Variants in PDK1 observed in about 807,000 individuals in gnomAD.
PDK1 encodes [Pyruvate dehydrogenase (acetyl-transferring)] kinase isozyme 1, mitochondrial.
PDK1 carries 39 observed loss-of-function variants against 54.2 expected under a neutral mutation model. That is an observed-to-expected ratio of 0.72 (90% CI 0.56 to 0.94). The LOEUF is 0.94. Ranked by LOEUF, PDK1 falls within the 40% of genes least tolerant of loss-of-function variation. The pLI, the probability that PDK1 is intolerant of heterozygous loss-of-function variation, is 0.00. For missense variants in PDK1, 552 were observed against 566.0 expected (o/e 0.98, Z 0.25); for synonymous variants, 221 against 207.1 (o/e 1.07, Z -0.58).
chr2:172,705,541 T>A, the PDK1 span, among the ~76,000 whole-genome samples: 1 of 152,234 alleles, frequency 6.6e-6, no homozygotes, highest in Non-Finnish European at 1.5e-5. Flanking sequence ...TTCTGAAAGA[T>A]CTATTACTCA....
chr2:172,618,823 A>T, the PDK1 span, among the ~76,000 whole-genome samples: 3 of 152,176 alleles, frequency 2.0e-5, no homozygotes, highest in Admixed American at 2.0e-4. Flanking sequence ...TCCTTCTGGG[A>T]GTTCCAGAGT....
the PDK1 span, among the ~76,000 whole-genome samples, chr2:172,676,186 T>C: frequency 2.0e-5 from 3 of 152,278 alleles, no homozygotes; most frequent in South Asian, 6.2e-4. Flanking sequence ...ATTAACATGA[T>C]TTTCATGCCT....
chr2:172,593,910 A>AG (rs1690743846), intron 10 of PDK1, among the ~76,000 whole-genome samples: 1 of 152,098 alleles, frequency 6.6e-6, no homozygotes, highest in African/African-American at 2.4e-5. Flanking sequence ...TCTATTTTAT[A>AG]GGAAATGTTG....
chr2:172,622,053 TGA>T, the PDK1 span, among the ~76,000 whole-genome samples: 4 of 149,064 alleles, frequency 2.7e-5, no homozygotes, highest in African/African-American at 4.9e-5. Context: ...CTCATATATG[TGA>T]GATATGTTTA....
chr2:172,622,280 CTCAT>C, the PDK1 span, among the ~76,000 whole-genome samples: 1 of 127,216 alleles, frequency 7.9e-6, no homozygotes, highest in Non-Finnish European at 1.6e-5. Context: ...ATGTTTATAT[CTCAT>C]ATATTATGTG....
the PDK1 span, among the ~76,000 whole-genome samples, chr2:172,633,731 CTTTAT>C: frequency 1.3e-5 from 2 of 150,620 alleles, no homozygotes; most frequent in Non-Finnish European, 1.5e-5. Flanking sequence ...TATGTATTAG[CTTTAT>C]TTTATTTAAT....
intron 8 of PDK1, among the ~76,000 whole-genome samples, 195 bp from the exon 9 acceptor site, chr2:172,586,083 C>T (rs573475214): frequency 2.7e-4 from 40 of 149,984 alleles, no homozygotes; most frequent in Middle Eastern, 3.5e-3. Flanking sequence ...GGCATGAACC[C>T]GGGAAGCAGA....
the PDK1 span, among the ~76,000 whole-genome samples, chr2:172,633,490 T>C: frequency 1.3e-5 from 2 of 151,180 alleles, no homozygotes; most frequent in African/African-American, 4.8e-5. Flanking sequence ...AATTACTGTA[T>C]GCACTGCTGA....
chr2:172,697,655 G>C, the PDK1 span, among the ~76,000 whole-genome samples: 81 of 152,238 alleles, frequency 5.3e-4, no homozygotes, highest in Non-Finnish European at 1.0e-3. Flanking sequence ...CCAAGATTGA[G>C]AATCTTCTTA....
chr2:172,556,213 C>T lies in PDK1; in HGVS notation c.63C>T (p.Ala21=), dbSNP rs900775796. The part of the protein sequence containing the change: ...ALAGPGPGLR[A]AGFSRSFSSD... ...CCGGCCCGGGCCCGGGGCTGCGCGC[C>T]GCCGGCTTCAGCCGCAGCTTCAGCT... is the stretch of plus-strand genomic sequence containing the variant. Residue 21 remains alanine (A), a synonymous_variant, in exon 1 of 11, where the codon GCC becomes GCT. Transcript: ENST00000282077. 2.8e-6 allele frequency: 4 copies of T among 1,420,962 alleles called. No homozygotes were observed. The highest frequency in any genetic ancestry group is 1.5e-5 in the African/African-American group (1 of 66,120). 88.0% of individuals were successfully genotyped at this position (1,420,962 alleles called of 1,614,324 possible).
chr2:172,697,746 T>C, the PDK1 span, among the ~76,000 whole-genome samples: 1 of 152,194 alleles, frequency 6.6e-6, no homozygotes, highest in Non-Finnish European at 1.5e-5. Flanking sequence ...TGTGTAATCC[T>C]TGTCTCAGAA....
In PDK1 at chr2:172,570,797, G is replaced by T. The variant is rs768742755; in HGVS notation, c.918G>T (p.Thr306=). The change falls in exon 8 of 11, where the codon ACG becomes ACT. Residue 306 remains threonine, a synonymous_variant. Transcript: ENST00000282077. ...ACCCCCCTATTCAAGTTCATGTCACGCTGGGTAATGAGGATTTGACTGTGA... is the reference window on the plus strand; with the variant it reads ...ACCCCCCTATTCAAGTTCATGTCACTCTGGGTAATGAGGATTTGACTGTGA... ...GVYPPIQVHV[T]LGNEDLTVKM... is the part of the protein sequence containing the mutation. The T allele has an allele frequency of 1.2e-6, 2 of 1,607,824 alleles. No individual in the cohort carries two copies. Among genetic ancestry groups the T allele is most frequent in the South Asian group, 2.2e-5 (2 of 90,816 alleles).
chr2:172,640,096 G>A, the PDK1 span, among the ~76,000 whole-genome samples: 7 of 152,192 alleles, frequency 4.6e-5, no homozygotes, highest in South Asian at 2.1e-4. Flanking sequence ...CCATAAAGCC[G>A]AAGAAATATT....
the PDK1 span, among the ~76,000 whole-genome samples, chr2:172,630,518 T>C: frequency 6.6e-6 from 1 of 152,242 alleles, no homozygotes; most frequent in Non-Finnish European, 1.5e-5. Context: ...CAGAAAGCTC[T>C]ATCTTCTCCC....
intron 2 of PDK1, among the ~76,000 whole-genome samples, chr2:172,559,842 C>A (rs1688560217): frequency 6.6e-6 from 1 of 152,014 alleles, no homozygotes; most frequent in African/African-American, 2.4e-5. Context: ...AGCCACCACT[C>A]CTGGCCTACT....
the PDK1 span, among the ~76,000 whole-genome samples, chr2:172,671,816 A>C: frequency 6.6e-6 from 1 of 152,186 alleles, no homozygotes; most frequent in African/African-American, 2.4e-5. Flanking sequence ...TGCCCTTAGG[A>C]TATCCCTAGC....
At chr2:172,569,749 T>G (rs561101137) in intron 7 of PDK1, among the ~76,000 whole-genome samples, 9 of 152,356 alleles carry the variant, frequency 5.9e-5, no homozygotes, top group Admixed American at 2.6e-4. Context: ...GGTCTCACTC[T>G]GTTACCCAGG....
At chr2:172,618,154 C>T in the PDK1 span, among the ~76,000 whole-genome samples, 16 of 152,098 alleles carry the variant, frequency 1.1e-4, no homozygotes, top group African/African-American at 3.4e-4. Flanking sequence ...ATCCAACTAC[C>T]CCTACATTCT....
At chr2:172,702,155 G>T in the PDK1 span, among the ~76,000 whole-genome samples, 1 of 152,092 alleles carries the variant, frequency 6.6e-6, no homozygotes, top group Admixed American at 6.5e-5. Flanking sequence ...CTGTTCCTAG[G>T]GTGCATTGCT....
Sources: gnomAD v4.1 joint callset for allele counts (sites outside exome capture counted in the v4.1 genomes callset) on GRCh38, gnomAD v4.1.1 for gene constraint, MANE v1.5 for transcripts, NCBI Gene and HGNC (gene_info 2026-07-23, HGNC 2026-07-21) for gene names.